The following FMNL2 variants were observed in gnomAD, a reference collection of about 807,000 sequenced individuals.
The protein encoded by FMNL2 is formin-like protein 2.
FMNL2 carries 51 observed loss-of-function variants against 130.2 expected under a neutral mutation model. That is an observed-to-expected ratio of 0.39 (90% CI 0.31 to 0.49). The LOEUF is 0.49. Among genes scored for constraint, FMNL2 ranks in the 20% least tolerant of loss-of-function variants. FMNL2 has a pLI of 0.85. For missense variants in FMNL2, 977 were observed against 1,316.2 expected (o/e 0.74, Z 3.99); for synonymous variants, 465 against 467.1 (o/e 1.00, Z 0.06).
chr2:152,629,908 G>T lies in FMNL2; in HGVS notation c.2550+3G>T. On this transcript the variant is annotated splice_donor_region_variant and intron_variant, in intron 20 of 25. Transcript: ENST00000288670. ...TTAAACTTCAGAGTTTAGATCTGGT[G>T]AGTGGACTAAAAGAAATTTGAGAGC... 6.2e-7 allele frequency: 1 copy of T among 1,601,296 alleles called. No homozygotes were observed. Among genetic ancestry groups the T allele is most frequent in the Non-Finnish European group, 8.5e-7 (1 of 1,173,526 alleles).
chr2:152,592,351 T>A (rs1432346866), intron 9 of FMNL2, among the ~76,000 whole-genome samples: 1 of 152,192 alleles, frequency 6.6e-6, no homozygotes, highest in Non-Finnish European at 1.5e-5. Flanking sequence ...ACTCTCTATG[T>A]GAGTCAAGTT....
At chr2:152,575,573 C>G (rs2105693648) in intron 7 of FMNL2, among the ~76,000 whole-genome samples, 1 of 152,240 alleles carries the variant, frequency 6.6e-6, no homozygotes, top group Middle Eastern at 3.4e-3. Flanking sequence ...TCCTAATTCT[C>G]AAGGTTTAAT....
intron 22 of FMNL2, among the ~76,000 whole-genome samples, chr2:152,636,926 T>C (rs1045719451): frequency 1.3e-5 from 2 of 152,108 alleles, no homozygotes; most frequent in Admixed American, 1.3e-4. Context: ...GTGTAGTGGG[T>C]TTCTGTAGAT....
chr2:152,373,699 C>G (rs1474317940), intron 1 of FMNL2, among the ~76,000 whole-genome samples: 1 of 146,586 alleles, frequency 6.8e-6, no homozygotes. Flanking sequence ...GTTTTGGTTT[C>G]TGGAACCTTG....
chr2:152,375,310 C>T (rs1684091649), intron 1 of FMNL2, among the ~76,000 whole-genome samples: 1 of 152,232 alleles, frequency 6.6e-6, no homozygotes, highest in African/African-American at 2.4e-5. Flanking sequence ...TCTCTACCAG[C>T]AGTAGCTCTT....
Position 152,509,737 on chromosome 2 carries a change from C to CTTTTTTTTTTTTTTTTTT in FMNL2, c.118-12197_118-12180dup, listed in dbSNP as rs138976882. ...GAGAAGGTATATCTGTACTCTGGAC[C>CTTTTTTTTTTTTTTTTTT]TTTTTTTTTTTTTTTTTTTTTTTTT... On this transcript the variant is annotated intron_variant, in intron 1 of 25. Transcript: ENST00000288670. Among the ~76,000 whole-genome samples the CTTTTTTTTTTTTTTTTTT allele has an allele frequency of 6.8e-5, 4 of 58,684 alleles. 1 individual carries two copies. The highest frequency in any genetic ancestry group is 2.9e-4 in the African/African-American group (4 of 14,034). The allele number at this position is 58,684 out of a possible 152,430, so 38.5% of individuals were successfully genotyped here.
intron 1 of FMNL2, among the ~76,000 whole-genome samples, chr2:152,374,267 G>A (rs942117917): frequency 1.3e-5 from 2 of 152,174 alleles, no homozygotes; most frequent in Admixed American, 1.3e-4. Flanking sequence ...TGGGGTGGGA[G>A]TGTTATTTTC....
chr2:152,503,753 G>A (rs1691989419), intron 1 of FMNL2, among the ~76,000 whole-genome samples: 1 of 152,166 alleles, frequency 6.6e-6, no homozygotes. Context: ...GAGCTGATGG[G>A]AGTTCTTTAC....
chr2:152,606,849 G>A (rs1194001750), intron 9 of FMNL2, among the ~76,000 whole-genome samples: 1 of 151,736 alleles, frequency 6.6e-6, no homozygotes, highest in Non-Finnish European at 1.5e-5. Flanking sequence ...CTTCCACGGT[G>A]TCTATTTCTG....
intron 1 of FMNL2, among the ~76,000 whole-genome samples, chr2:152,336,912 A>G (rs1427064347): frequency 3.3e-5 from 5 of 152,192 alleles, no homozygotes; most frequent in Non-Finnish European, 7.4e-5. Flanking sequence ...ATGAAAACTT[A>G]GAACTTTGGC....
chr2:152,634,243 G>A (rs1682392250), intron 21 of FMNL2, among the ~76,000 whole-genome samples: 2 of 152,096 alleles, frequency 1.3e-5, no homozygotes, highest in Admixed American at 1.3e-4. Flanking sequence ...GACCAGCGTG[G>A]CCAACATAGC....
chr2:152,433,558 C>G (rs16831118), intron 1 of FMNL2, among the ~76,000 whole-genome samples: 3 of 151,960 alleles, frequency 2.0e-5, no homozygotes, highest in Non-Finnish European at 4.4e-5. Flanking sequence ...TGTAGTCTAC[C>G]GTGGACATCA....
chr2:152,520,977 A>T (rs1305842484), intron 1 of FMNL2, among the ~76,000 whole-genome samples: 1 of 152,192 alleles, frequency 6.6e-6, no homozygotes, highest in African/African-American at 2.4e-5. Flanking sequence ...ATTTAGGAAT[A>T]GGTGTGACTT....
chr2:152,335,486 G>C lies in FMNL2; in HGVS notation c.-118G>C. On this transcript the variant is annotated 5_prime_UTR_variant, in exon 1 of 26. Coordinates refer to ENST00000288670, the MANE Select transcript of FMNL2 (RefSeq NM_052905.4). ...CGCACACCCGCCTGGGCGCGGCGGAGGGCGGGGAGCCGGGCAGGTCGCGCC... is the reference window on the plus strand; with the variant it reads ...CGCACACCCGCCTGGGCGCGGCGGACGGCGGGGAGCCGGGCAGGTCGCGCC... 1.6e-6 allele frequency: 1 copy of C among 613,616 alleles called. No homozygotes were observed. The highest frequency in any genetic ancestry group is 2.5e-6 in the Non-Finnish European group (1 of 406,058). 38.0% of individuals were successfully genotyped at this position (613,616 alleles called of 1,614,324 possible).
At chr2:152,496,003 T>TAAAA (rs10624832) in intron 1 of FMNL2, among the ~76,000 whole-genome samples, 19,822 of 151,884 alleles carry the variant, frequency 0.13, 2,121 homozygotes, top group African/African-American at 0.27. Flanking sequence ...ATTTCAGACT[T>TAAAA]AAAAAAAGTT....
intron 7 of FMNL2, among the ~76,000 whole-genome samples, chr2:152,576,843 A>C (rs1411903835): frequency 1.3e-5 from 2 of 152,218 alleles, no homozygotes; most frequent in Non-Finnish European, 2.9e-5. Context: ...CCCAAGGCAC[A>C]GAAAGGAGGC....
chr2:152,561,581 T>C (rs1695529076), intron 6 of FMNL2, among the ~76,000 whole-genome samples: 1 of 151,978 alleles, frequency 6.6e-6, no homozygotes, highest in African/African-American at 2.4e-5. Flanking sequence ...CAACCTTTTT[T>C]TTTTTTTTTG....
At chr2:152,488,716 A>G (rs994269383) in intron 1 of FMNL2, among the ~76,000 whole-genome samples, 2 of 152,216 alleles carry the variant, frequency 1.3e-5, no homozygotes, top group African/African-American at 4.8e-5. Flanking sequence ...TGGCCACATT[A>G]ATGCCTTTGA....
At chr2:152,339,830 T>A (rs1681696342) in intron 1 of FMNL2, among the ~76,000 whole-genome samples, 1 of 152,192 alleles carries the variant, frequency 6.6e-6, no homozygotes. Context: ...CTTTTACATG[T>A]TCTCATTTAA....
Sources: gnomAD v4.1 joint callset for allele counts (sites outside exome capture counted in the v4.1 genomes callset) on GRCh38, gnomAD v4.1.1 for gene constraint, MANE v1.5 for transcripts, NCBI Gene and HGNC (gene_info 2026-07-23, HGNC 2026-07-21) for gene names.